The following USP25 variants were observed in gnomAD, a reference collection of about 807,000 sequenced individuals.
USP25 encodes ubiquitin carboxyl-terminal hydrolase 25.
A neutral mutation model predicts 158.5 loss-of-function variants in USP25; 85 were observed. The observed-to-expected ratio is 0.54, with a 90% confidence interval of 0.45 to 0.64. USP25 has a LOEUF of 0.64. USP25 is among the 30% of genes least tolerant of loss of function. The probability of loss-of-function intolerance (pLI) is 0.00; values close to 1 mark genes in which losing one functional copy is unlikely to be tolerated. For missense variants in USP25, 1,242 were observed against 1,327.3 expected (o/e 0.94, Z 1.00); for synonymous variants, 464 against 460.4 (o/e 1.01, Z -0.10).
At chr21:15,765,260 T>A (rs1041264828) in intron 2 of USP25, among the ~76,000 whole-genome samples, 1 of 152,122 alleles carries the variant, frequency 6.6e-6, no homozygotes, top group Non-Finnish European at 1.5e-5. Context: ...TTGCTGTCAG[T>A]TGTGCAGAGA....
chr21:15,854,002 TA>T (rs1225651983), intron 20 of USP25, among the ~76,000 whole-genome samples: 1 of 152,192 alleles, frequency 6.6e-6, no homozygotes, highest in Non-Finnish European at 1.5e-5. Context: ...TATTAATTCA[TA>T]AAATATGTAC....
intron 7 of USP25, among the ~76,000 whole-genome samples, chr21:15,806,882 ACC>A (rs1244129732): frequency 6.6e-6 from 1 of 151,946 alleles, no homozygotes; most frequent in Non-Finnish European, 1.5e-5. Flanking sequence ...CTTTTGAGAC[ACC>A]CTTTGGTATG....
chr21:15,874,166 A>AT (rs1374118383), intron 23 of USP25, among the ~76,000 whole-genome samples: 1 of 152,070 alleles, frequency 6.6e-6, no homozygotes, highest in Non-Finnish European at 1.5e-5. Context: ...CTTTTCCCAG[A>AT]TTTTTTCTTA....
intron 20 of USP25, among the ~76,000 whole-genome samples, chr21:15,855,232 A>G (rs1029836942): frequency 1.2e-4 from 19 of 152,142 alleles, no homozygotes; most frequent in African/African-American, 2.9e-4. Context: ...CTTTTGTATT[A>G]TAAAAATTTT....
In USP25 at chr21:15,761,193, G is replaced by A. The variant is rs143520028; in HGVS notation, c.46-1698G>A. ...CAGATTATAGAGTGTCAGGAGGCAC[G>A]CACTGCCATTTTATCCTATTATTGG... On this transcript the variant is annotated intron_variant, in intron 1 of 25. Coordinates refer to ENST00000400183, the MANE Select transcript of USP25 (RefSeq NM_001283041.3). Among the ~76,000 whole-genome samples, 39 of 152,274 alleles carry A rather than the reference G, an allele frequency of 2.6e-4. No individual in the cohort carries two copies. In the East Asian group the frequency reaches 4.6e-3, roughly 18 times the overall value.
intron 17 of USP25, among the ~76,000 whole-genome samples, chr21:15,837,572 T>C (rs1391687240): frequency 6.6e-6 from 1 of 152,190 alleles, no homozygotes; most frequent in Non-Finnish European, 1.5e-5. Context: ...GCAGCATGGC[T>C]CTAGGCTGTA....
At chr21:15,741,288 C>CTTTTTTTTTTTT (rs35427982) in intron 1 of USP25, among the ~76,000 whole-genome samples, 2 of 139,772 alleles carry the variant, frequency 1.4e-5, no homozygotes, top group African/African-American at 2.6e-5. Flanking sequence ...TTTTGATGTA[C>CTTTTTTTTTTTT]TTTTTTTTTT....
intron 6 of USP25, among the ~76,000 whole-genome samples, chr21:15,802,768 T>C (rs1398212355): frequency 1.3e-5 from 2 of 151,612 alleles, no homozygotes; most frequent in African/African-American, 2.4e-5. Flanking sequence ...AAAGGGCACG[T>C]TAATCTCAAA....
chr21:15,733,515 T>C (rs967265026), intron 1 of USP25, among the ~76,000 whole-genome samples: 3 of 152,046 alleles, frequency 2.0e-5, no homozygotes, highest in African/African-American at 7.2e-5. Flanking sequence ...GAGGATCACT[T>C]GAAGCCAGGA....
At chr21:15,738,851 A>T (rs1031922802) in intron 1 of USP25, among the ~76,000 whole-genome samples, 5 of 152,344 alleles carry the variant, frequency 3.3e-5, no homozygotes, top group African/African-American at 1.2e-4. Context: ...TCTATAGATT[A>T]CAGACATTGC....
intron 1 of USP25, among the ~76,000 whole-genome samples, chr21:15,734,142 A>G (rs1218886450): frequency 6.6e-6 from 1 of 152,218 alleles, no homozygotes; most frequent in East Asian, 1.9e-4. Flanking sequence ...GAATGGAAGC[A>G]GAGGAATCTA....
chr21:15,833,082 C>A (rs984973151), intron 16 of USP25, among the ~76,000 whole-genome samples: 2 of 151,814 alleles, frequency 1.3e-5, no homozygotes, highest in African/African-American at 4.9e-5. Flanking sequence ...GTCACTTCTA[C>A]TCTTAAGATA....
intron 1 of USP25, among the ~76,000 whole-genome samples, chr21:15,751,846 T>G (rs2033036583): frequency 6.6e-6 from 1 of 152,246 alleles, no homozygotes. Context: ...CAGTATTTTT[T>G]GGGAGAAATA....
intron 4 of USP25, among the ~76,000 whole-genome samples, chr21:15,780,606 C>G (rs567330926): frequency 6.6e-6 from 1 of 152,304 alleles, no homozygotes; most frequent in South Asian, 2.1e-4. Context: ...AAGTAGTAGA[C>G]TACAGATTCT....
In USP25 at chr21:15,868,329, A is replaced by G. The variant is rs1223237102; in HGVS notation, c.2806-1739A>G. ...TCTCTTGACCCTGAGGAGCAAGTCA[A>G]GTCATCTTTTAGCTAATAATGACTC... On this transcript the variant is annotated intron_variant, in intron 22 of 25. Transcript: ENST00000400183. Among the ~76,000 whole-genome samples the G allele has an allele frequency of 3.3e-5, 5 of 152,166 alleles. No individual in the cohort carries two copies. In the South Asian group the frequency reaches 8.3e-4, roughly 25 times the overall value.
At position 15,878,582 on chromosome 21, in the gene USP25, T is replaced by A. The variant is rs1239736797; in HGVS notation, c.*107T>A. 3 of 1,239,594 alleles carry A rather than the reference T, an allele frequency of 2.4e-6. No homozygotes were observed. Among genetic ancestry groups the A allele is most frequent in the East Asian group, 2.6e-5 (1 of 38,110 alleles). The allele number at this position is 1,239,594 out of a possible 1,614,324, so 76.8% of individuals were successfully genotyped here. ...GCTGCTATAGTTTTTAACTTTTTTT[T>A]ATTTTAATAACTGCAAAAGACAAAA... is the stretch of plus-strand genomic sequence containing the variant. On this transcript the variant is annotated 3_prime_UTR_variant, in exon 26 of 26. Coordinates refer to ENST00000400183, the MANE Select transcript of USP25 (RefSeq NM_001283041.3).
intron 5 of USP25, among the ~76,000 whole-genome samples, chr21:15,795,108 C>A (rs1006040465): frequency 6.6e-6 from 1 of 151,364 alleles, no homozygotes; most frequent in Non-Finnish European, 1.5e-5. Flanking sequence ...TAATCCATTT[C>A]TTCTCTATCT....
chr21:15,826,583 T>G lies in USP25; in HGVS notation c.1466+218T>G, dbSNP rs1471974179. On this transcript the variant is annotated intron_variant, in intron 13 of 25. Transcript: ENST00000400183. This position sits in a 1 kb window ranked among gnomAD's most constrained non-coding sequence, Gnocchi z 4.8. ...GATTAAAATTTTAATCACATTTTTT[T>G]TCAGTTCAGAATTATACTTTAGCAT... is the stretch of plus-strand genomic sequence containing the variant. Among the ~76,000 whole-genome samples the G allele has an allele frequency of 6.6e-6, 1 of 152,228 alleles. No individual in the cohort carries two copies. Among genetic ancestry groups the G allele is most frequent in the Non-Finnish European group, 1.5e-5 (1 of 68,040 alleles).
rs937259535 is a variant in USP25 at position 15,874,455 on chromosome 21, C to T, written c.2938C>T (p.Leu980Phe). 1.2e-6 allele frequency: 2 copies of T among 1,611,120 alleles called. No homozygotes were observed. Among genetic ancestry groups the T allele is most frequent in the Admixed American group, 1.7e-5 (1 of 59,536 alleles). Residue 980 changes from leucine to phenylalanine, a missense_variant, in exon 24 of 26, where the codon CTC becomes TTC. Physicochemically the swap from Leu to Phe is conservative, Grantham distance 22 (BLOSUM62 0). Coordinates refer to ENST00000400183, the MANE Select transcript of USP25 (RefSeq NM_001283041.3). ...CTGTGCTTATCAGAATAACAAAGAACTCTTGTCTAAAGGCTTATACAGAGG... is the reference window on the plus strand; with the variant it reads ...CTGTGCTTATCAGAATAACAAAGAATTCTTGTCTAAAGGCTTATACAGAGG... ...LICAYQNNKELLSKGLYRGHD... is the reference protein window; with the variant it reads ...LICAYQNNKEFLSKGLYRGHD...
Sources: gnomAD v4.1 joint callset for allele counts (sites outside exome capture counted in the v4.1 genomes callset) on GRCh38, gnomAD v4.1.1 for gene constraint, Gnocchi (gnomAD v3.1) non-coding constraint, MANE v1.5 for transcripts, NCBI Gene and HGNC (gene_info 2026-07-23, HGNC 2026-07-21) for gene names.